Variants in DZIP1L observed in about 807,000 individuals in gnomAD.
DZIP1L encodes DAZ interacting zinc finger protein 1 like.
Under a neutral mutation model 88.7 loss-of-function variants are expected in DZIP1L, and 90 were observed. The observed-to-expected ratio is 1.02, with a 90% confidence interval of 0.86 to 1.21. The LOEUF is 1.21. Among genes scored for constraint, DZIP1L ranks in the 50% most tolerant of loss-of-function variants. DZIP1L has a pLI of 0.00. For missense variants in DZIP1L, 932 were observed against 955.8 expected (o/e 0.98, Z 0.33); for synonymous variants, 363 against 372.1 (o/e 0.98, Z 0.28).
intron 9 of DZIP1L, 52 bp from the exon 10 acceptor site, chr3:138,080,672 G>A (rs1943607137): frequency 6.3e-7 from 1 of 1,594,354 alleles, no homozygotes; most frequent in South Asian, 1.1e-5. Flanking sequence ...CCCCATCCCT[G>A]ACTAGAAGAA....
At chr3:138,075,314 T>C (rs568115421) in intron 11 of DZIP1L, among the ~76,000 whole-genome samples, 1 of 152,286 alleles carries the variant, frequency 6.6e-6, no homozygotes, top group African/African-American at 2.4e-5. Flanking sequence ...ACTTAACAGA[T>C]ATTTACAGAA....
intron 1 of DZIP1L, among the ~76,000 whole-genome samples, chr3:138,110,590 G>A (rs547512749): frequency 1.1e-4 from 17 of 152,124 alleles, no homozygotes; most frequent in Admixed American, 2.0e-4. Flanking sequence ...TGTCTGTTAG[G>A]GTGTCTCTGC....
intron 2 of DZIP1L, chr3:138,102,109 T>G (rs2042337791): frequency 3.5e-6 from 5 of 1,439,140 alleles, no homozygotes; most frequent in South Asian, 2.3e-5. Flanking sequence ...CAGTTGGCGA[T>G]CTCCTTGTAC....
Position 138,071,687 on chromosome 3 carries a change from T to G in DZIP1L, c.1571A>C (p.Gln524Pro). 6.2e-7 allele frequency: 1 copy of G among 1,614,220 alleles called. No individual in the cohort carries two copies. Among genetic ancestry groups the G allele is most frequent in the East Asian group, 2.2e-5 (1 of 44,890 alleles). The change falls in exon 12 of 16, where the codon CAG (glutamine) becomes CCG (proline). Residue 524 changes from glutamine to proline, a missense_variant. By Grantham distance (76) the Gln-to-Pro change is moderately conservative. Coordinates refer to ENST00000327532, the MANE Select transcript of DZIP1L (RefSeq NM_173543.3). ...KEVTSRAKER[Q>P]ENGAVVSQPD... ...CTGGGACACCACAGCGCCATTCTCC[T>G]GTCTCTCCTTCGCTCTGCTGGTGAC...
intron 1 of DZIP1L, among the ~76,000 whole-genome samples, chr3:138,115,017 G>A (rs573749699): frequency 9.5e-4 from 145 of 152,326 alleles, no homozygotes; most frequent in African/African-American, 3.4e-3. Context: ...CGTCTTCCCA[G>A]TGAAGCCGAG....
intron 4 of DZIP1L, 71 bp downstream of exon 4, chr3:138,094,791 T>C (rs1944390752): frequency 6.3e-7 from 1 of 1,589,762 alleles, no homozygotes; most frequent in Admixed American, 1.8e-5. Flanking sequence ...CCCTGTGGGA[T>C]TCATGTGCAT....
chr3:138,088,087 G>A (rs1180007903), intron 6 of DZIP1L, among the ~76,000 whole-genome samples: 2 of 152,228 alleles, frequency 1.3e-5, no homozygotes, highest in Non-Finnish European at 2.9e-5. Flanking sequence ...GACTGTCACA[G>A]TTTCTAAGAG....
chr3:138,102,095 G>C, intron 2 of DZIP1L: 3 of 1,466,670 alleles, frequency 2.0e-6, no homozygotes, highest in Non-Finnish European at 2.9e-6. Context: ...CCTCAGCCCA[G>C]CTGCAGTTGG....
Position 138,080,637 on chromosome 3 carries a change from C to A in DZIP1L, c.1235-17G>T. ...TGTGGATCCCTGAAGAGAGGAGGAA[C>A]AGTTAGTGGCACCAGTGCTCTGGAC... On this transcript the variant is annotated splice_polypyrimidine_tract_variant and intron_variant, in intron 9 of 15. Transcript: ENST00000327532. 6.2e-7 allele frequency: 1 copy of A among 1,611,944 alleles called. No individual in the cohort carries two copies. The highest frequency in any genetic ancestry group is 8.5e-7 in the Non-Finnish European group (1 of 1,178,908).
chr3:138,074,767 T>C (rs1576446441), intron 11 of DZIP1L, among the ~76,000 whole-genome samples: 1 of 141,368 alleles, frequency 7.1e-6, no homozygotes, highest in South Asian at 2.2e-4. Context: ...AGGCAACAAA[T>C]AGCACAATGA....
rs200480009 is a variant in DZIP1L, at chr3:138,103,729, C to T, written c.243G>A (p.Pro81=). 30 of 1,613,720 alleles carry T rather than the reference C, an allele frequency of 1.9e-5. No individual in the cohort carries two copies. In the South Asian group the frequency reaches 2.3e-4, roughly 12 times the overall value. ...CCAGGCGCAGCACCTTGAGCAGTGC[C>T]GGGTCCACAGGCTGCCCACAGCGGC... ...VCSRCGQPVD[P]ALLKVLRLAQ... Residue 81 remains proline (P), a synonymous_variant, in exon 2 of 16, where the codon CCG becomes CCA. Coordinates refer to ENST00000327532, the MANE Select transcript of DZIP1L (RefSeq NM_173543.3).
chr3:138,102,414 C>A, intron 2 of DZIP1L: 2 of 1,394,094 alleles, frequency 1.4e-6, no homozygotes, highest in Non-Finnish European at 2.0e-6. Context: ...CCAGCCCCTG[C>A]ATGTTGCCAA....
In DZIP1L at chr3:138,103,608, G is replaced by T; in HGVS notation, c.364C>A (p.Gln122Lys). 1 of 1,606,084 alleles carries T rather than the reference G, an allele frequency of 6.2e-7. No homozygotes were observed. Residue 122 changes from glutamine (Q) to lysine (K), a missense_variant, in exon 2 of 16, where the codon CAG (glutamine) becomes AAG (lysine). Physicochemically the swap from Gln to Lys is moderately conservative, Grantham distance 53. Transcript: ENST00000327532. ...EARLQTSLGQ[Q>K]QRGQQELGRQ... is the part of the protein sequence containing the mutation. The stretch of plus-strand genomic sequence containing the variant: ...CCCAGCTCCTGCTGACCACGCTGCT[G>T]CTGGCCCAGGCTGGTCTGCAGCCGT...
chr3:138,070,904 G>A (rs1458988984), intron 12 of DZIP1L, among the ~76,000 whole-genome samples: 4 of 152,158 alleles, frequency 2.6e-5, no homozygotes, highest in African/African-American at 9.7e-5. Context: ...GAACCCTCTG[G>A]AAACAGGGGG....
rs1942745133 is a variant in DZIP1L at position 138,062,459 on chromosome 3, T to C, written c.*357A>G. On this transcript the variant is annotated 3_prime_UTR_variant, in exon 16 of 16. Coordinates refer to ENST00000327532, the MANE Select transcript of DZIP1L (RefSeq NM_173543.3). The stretch of plus-strand genomic sequence containing the variant: ...CCAAAAGGACCCCAGATAGGAACCA[T>C]CTCCACAGTGTTCCTGCAGTTTTAT... 5.1e-6 allele frequency: 1 copy of C among 195,700 alleles called. No homozygotes were observed. The highest frequency in any genetic ancestry group is 1.3e-4 in the South Asian group (1 of 7,826). The allele number at this position is 195,700 out of a possible 1,614,324, so 12.1% of individuals were successfully genotyped here.
At chr3:138,113,337 T>C (rs2042647225) in intron 1 of DZIP1L, 1 of 152,212 alleles carries the variant, frequency 6.6e-6, no homozygotes, top group Non-Finnish European at 1.5e-5. Context: ...AAACACCTTA[T>C]TTTTTAACAT....
intron 14 of DZIP1L, among the ~76,000 whole-genome samples, chr3:138,066,816 T>A (rs947702535): frequency 6.6e-6 from 1 of 150,616 alleles, no homozygotes; most frequent in Non-Finnish European, 1.5e-5. Flanking sequence ...CATACTACCC[T>A]CTCTCACAGA....
intron 11 of DZIP1L, among the ~76,000 whole-genome samples, chr3:138,074,732 G>GA (rs36115917): frequency 5.8e-4 from 81 of 140,702 alleles, no homozygotes; most frequent in African/African-American, 1.7e-3. Context: ...AATAATACAC[G>GA]AAAAAAAAAA....
chr3:138,091,479 A>G (rs1045667518), intron 5 of DZIP1L, among the ~76,000 whole-genome samples: 3 of 151,498 alleles, frequency 2.0e-5, no homozygotes, highest in African/African-American at 7.3e-5. Flanking sequence ...TTAGCCAGGA[A>G]CGGTGGCACA....
Sources: gnomAD v4.1 joint callset for allele counts (sites outside exome capture counted in the v4.1 genomes callset) on GRCh38, gnomAD v4.1.1 for gene constraint, MANE v1.5 for transcripts, NCBI Gene and HGNC (gene_info 2026-07-23, HGNC 2026-07-21) for gene names.